Variants in MUC6 observed in about 807,000 individuals in gnomAD.
MUC6 encodes mucin 6, oligomeric mucus/gel-forming (gene/pseudogene).
Under a neutral mutation model 201.5 loss-of-function variants are expected in MUC6, and 188 were observed. The observed-to-expected ratio is 0.93, with a 90% CI of 0.83 to 1.05. The LOEUF is 1.05. MUC6 is among the 50% of genes least tolerant of loss of function. The pLI, the probability that MUC6 is intolerant of heterozygous loss-of-function variation, is 0.00. For synonymous variants in MUC6, 1,228 were observed against 1,389.4 expected (o/e 0.88, Z 2.58); for missense variants, 2,706 against 3,256.9 (o/e 0.83, Z 4.12).
Position 1,015,826 on chromosome 11 carries a change from G to A in MUC6, c.6975C>T (p.Ala2325=), listed in dbSNP as rs558230540. The change falls in exon 31 of 33, where the codon GCC becomes GCT. Residue 2325 remains alanine, a synonymous_variant. Transcript: ENST00000421673. ...GGGCAGAAGCAGGGGTGCTTCCATG[G>A]GCAGTGAGGGAGCTGGTCAGGAACC... The part of the protein sequence containing the change: ...TTRFLTSSLT[A]HGSTPASAPV... The A allele has an allele frequency of 2.0e-5, 32 of 1,582,128 alleles. No individual in the cohort carries two copies. The South Asian group carries it at 3.5e-4, about 17-fold the overall frequency.
chr11:1,025,164 G>A lies in MUC6; in HGVS notation c.2985+18C>T. On this transcript the variant is annotated intron_variant, in intron 23 of 32. Transcript: ENST00000421673. ...TGCATCAGGGAGGGCCTGGGAGGAGGCAGAGGGCGTGCGGTACCTGGGAGG... is the reference window on the plus strand; with the variant it reads ...TGCATCAGGGAGGGCCTGGGAGGAGACAGAGGGCGTGCGGTACCTGGGAGG... The A allele has an allele frequency of 6.2e-6, 10 of 1,610,356 alleles. No individual in the cohort carries two copies. The highest frequency in any genetic ancestry group is 7.6e-6 in the Non-Finnish European group (9 of 1,177,718).
Position 1,016,529 on chromosome 11 carries a change from G to T in MUC6, c.6272C>A (p.Ser2091Ter). Residue 2091 changes from serine to a stop codon, truncating the protein, a stop_gained, in exon 31 of 33, where the codon TCG (serine) becomes TAG (stop). Coordinates refer to ENST00000421673, the MANE Select transcript of MUC6 (RefSeq NM_005961.3). LOFTEE classifies it high-confidence loss of function. ...ATASSSFISS[S>*]SWLPQNSSSR... ...GCTAGAGTTCTGAGGCAGCCAAGAC[G>T]AGGAGGATATGAAGGAAGAAGAGGC... 6.2e-7 allele frequency: 1 copy of T among 1,613,336 alleles called. No individual in the cohort carries two copies. The highest frequency in any genetic ancestry group is 1.1e-5 in the South Asian group (1 of 91,064).
intron 29 of MUC6, 113 bp downstream of exon 29, chr11:1,019,977 G>GC (rs1169883827): frequency 3.7e-6 from 5 of 1,334,322 alleles, no homozygotes. Flanking sequence ...CTGGGAATCT[G>GC]CTTAGTGGCA....
At position 1,029,542 on chromosome 11, in the gene MUC6, G is replaced by A. The variant is rs372461474; in HGVS notation, c.1089C>T (p.Gly363=). 120 of 1,612,344 alleles carry A rather than the reference G, an allele frequency of 7.4e-5. No homozygotes were observed. The highest frequency in any genetic ancestry group is 6.9e-4 in the East Asian group (31 of 44,884). The change falls in exon 9 of 33, where the codon GGC becomes GGT. Residue 363 remains glycine, a synonymous_variant. Coordinates refer to ENST00000421673, the MANE Select transcript of MUC6 (RefSeq NM_005961.3). ...PVTQCPCVLH[G]AMYAPGEVTI... is the part of the protein sequence containing the mutation. ...TGACCTCCCCGGGGGCATACATGGCGCCGTGGAGCACACAGGGGCACTGGG... is the reference window on the plus strand; with the variant it reads ...TGACCTCCCCGGGGGCATACATGGCACCGTGGAGCACACAGGGGCACTGGG...
At chr11:1,029,695 C>A in intron 8 of MUC6, 80 bp from the exon 9 acceptor site, 1 of 1,482,508 alleles carries the variant, frequency 6.7e-7, no homozygotes, top group Non-Finnish European at 8.9e-7. Context: ...GGGAGACGCC[C>A]CCTCCAGCCT....
chr11:1,023,078 ATGAG>A (rs968351517), intron 26 of MUC6, among the ~76,000 whole-genome samples: 51 of 150,628 alleles, frequency 3.4e-4, no homozygotes, highest in African/African-American at 1.2e-3. Context: ...AATATGTTGA[ATGAG>A]TGTGTGTGGG....
At position 1,029,572 on chromosome 11, in the gene MUC6, G is replaced by A. The variant is rs370072899; in HGVS notation, c.1059C>T (p.Pro353=). 2.1e-5 allele frequency: 34 copies of A among 1,609,644 alleles called. 1 individual carries two copies. The highest frequency in any genetic ancestry group is 7.7e-5 in the South Asian group (7 of 90,696). ...NDLSNNHTCV[P]VTQCPCVLHG... Reference sequence around the variant, plus strand: ...GGAGCACACAGGGGCACTGGGTGACGGGCACGCAGGTGTGGTTATTGGAGA... The same window carrying A: ...GGAGCACACAGGGGCACTGGGTGACAGGCACGCAGGTGTGGTTATTGGAGA... Residue 353 remains proline, a synonymous_variant, in exon 9 of 33, where the codon CCC becomes CCT. Transcript: ENST00000421673.
chr11:1,027,670 C>T lies in MUC6; in HGVS notation c.1981+15G>A. The T allele has an allele frequency of 1.9e-6, 3 of 1,590,182 alleles. No individual in the cohort carries two copies. Among genetic ancestry groups the T allele is most frequent in the Non-Finnish European group, 2.6e-6 (3 of 1,168,668 alleles). ...AGCCTGCCGTGACCCCGCTTAAGCCCCGTCGGGCACTCACTGCAGTTGTCC... is the reference window on the plus strand; with the variant it reads ...AGCCTGCCGTGACCCCGCTTAAGCCTCGTCGGGCACTCACTGCAGTTGTCC... On this transcript the variant is annotated intron_variant, in intron 16 of 32. Coordinates refer to ENST00000421673, the MANE Select transcript of MUC6 (RefSeq NM_005961.3).
At chr11:1,031,382 C>A in intron 4 of MUC6, 123 bp from the exon 5 acceptor site, 1 of 1,177,130 alleles carries the variant, frequency 8.5e-7, no homozygotes, top group Non-Finnish European at 1.2e-6. Flanking sequence ...TCATCTGCCT[C>A]TTCTTATGGG....
chr11:1,016,610 A>G lies in MUC6; in HGVS notation c.6191T>C (p.Met2064Thr). 6.2e-7 allele frequency: 1 copy of G among 1,613,838 alleles called. No individual in the cohort carries two copies. Among genetic ancestry groups the G allele is most frequent in the Non-Finnish European group, 8.5e-7 (1 of 1,179,684 alleles). Residue 2064 changes from methionine (M) to threonine (T), a missense_variant, in exon 31 of 33, where the codon ATG (methionine) becomes ACG (threonine). By Grantham distance (81) the Met-to-Thr change is moderately conservative. Around this residue, in one of 10 missense-constraint regions of MUC6, gnomAD observed 586 missense variants for 488.0 expected, o/e 1.20. Transcript: ENST00000421673. ...ATGSTHTAPP[M>T]TVTTSGTSQT... ...GCTGGTCCCACTGGTGGTCACTGTC[A>G]TTGGTGGGGCTGTGTGGGTGGACCC...
chr11:1,031,250 C>A lies in MUC6; in HGVS notation c.493G>T (p.Glu165Ter). The A allele has an allele frequency of 3.2e-6, 5 of 1,572,152 alleles. No homozygotes were observed. Among genetic ancestry groups the A allele is most frequent in the Non-Finnish European group, 4.3e-6 (5 of 1,159,446 alleles). ...CACATCTGACCCATGTACTTCCGCT[C>A]CACCAGAACCTGCGGGAGACGGCTC... ...GPDSHLMVLV[E>*]RKYMGQMCGL... Residue 165 changes from glutamate to a stop codon, truncating the protein, a stop_gained, in exon 5 of 33, where the codon GAG (glutamate) becomes TAG (stop). Coordinates refer to ENST00000421673, the MANE Select transcript of MUC6 (RefSeq NM_005961.3). LOFTEE classifies it high-confidence loss of function.
At position 1,015,766 on chromosome 11, in the gene MUC6, T is replaced by G; in HGVS notation, c.7035A>C (p.Ser2345=). The part of the protein sequence containing the change: ...VSSLGTPTPT[S]PGVCSVREQQ... ...GGCCACAGAGATGCCACTTACCGGG[T>G]GAGGTGGGCGTAGGTGTCCCGAGAG... Residue 2345 remains serine (S), a synonymous_variant, in exon 31 of 33, where the codon TCA becomes TCC. Coordinates refer to ENST00000421673, the MANE Select transcript of MUC6 (RefSeq NM_005961.3). 6.0e-6 allele frequency: 9 copies of G among 1,507,842 alleles called. No homozygotes were observed. The highest frequency in any genetic ancestry group is 2.8e-5 in the South Asian group (2 of 72,616). 93.4% of individuals were successfully genotyped at this position (1,507,842 alleles called of 1,614,324 possible). A position where few individuals can be genotyped will look rare whatever the true frequency, so the allele number is the denominator to read the frequency against.
At position 1,013,739 on chromosome 11, in the gene MUC6, C is replaced by T. The variant is rs1045030683; in HGVS notation, c.7143-106G>A. The T allele has an allele frequency of 1.8e-5, 25 of 1,422,002 alleles. No individual in the cohort carries two copies. In the African/African-American group the frequency reaches 2.6e-4, roughly 15 times the overall value. 88.1% of individuals were successfully genotyped at this position (1,422,002 alleles called of 1,614,324 possible). A position where few individuals can be genotyped will look rare whatever the true frequency, so the allele number is the denominator to read the frequency against. Reference sequence around the variant, plus strand: ...CAGAGGCCTGGACCTCCCCGCTGAGCTCCCGGCTCACAGGGGCCAGGGCGG... The same window carrying T: ...CAGAGGCCTGGACCTCCCCGCTGAGTTCCCGGCTCACAGGGGCCAGGGCGG... On this transcript the variant is annotated intron_variant, in intron 32 of 32. Transcript: ENST00000421673.
At chr11:1,019,860 A>G in intron 29 of MUC6, 6 of 696,766 alleles carry the variant, frequency 8.6e-6, no homozygotes, top group Non-Finnish European at 1.5e-5. Flanking sequence ...CACGGTTTCT[A>G]GTGACAGCAG....
In MUC6 at chr11:1,013,167, G is replaced by A. The variant is rs4077531; in HGVS notation, c.*289C>T. On this transcript the variant is annotated 3_prime_UTR_variant, in exon 33 of 33. Coordinates refer to ENST00000421673, the MANE Select transcript of MUC6 (RefSeq NM_005961.3). The stretch of plus-strand genomic sequence containing the variant: ...GTTCAGGGGCTGGGAGGTGTTGGAC[G>A]GTGGGCAGGGGTGGTCGGGAGTGCC... 245,557 of 461,502 alleles carry A rather than the reference G, an allele frequency of 0.53. 67,962 individuals carry two copies. Among genetic ancestry groups the A allele is most frequent in the Admixed American group, 0.65 (16,669 of 25,474 alleles). The allele number at this position is 461,502 out of a possible 1,614,324, so 28.6% of individuals were successfully genotyped here.
In MUC6 at chr11:1,018,257, G is replaced by C; in HGVS notation, c.4544C>G (p.Ser1515Ter). The C allele has an allele frequency of 1.9e-6, 3 of 1,614,008 alleles. No individual in the cohort carries two copies. The South Asian group carries it at 3.3e-5, about 18-fold the overall frequency. Residue 1515 changes from serine (S) to a stop codon, truncating the protein, a stop_gained, in exon 31 of 33, where the codon TCA becomes TGA. Transcript: ENST00000421673. LOFTEE classifies it high-confidence loss of function. ...GGTAGGTGTTTTGTTTGTGCTGAATGAGCTGTGGGCTTGGCTGGTCCCACT... is the reference window on the plus strand; with the variant it reads ...GGTAGGTGTTTTGTTTGTGCTGAATCAGCTGTGGGCTTGGCTGGTCCCACT... ...TTSGTSQAHS[S>*]FSTNKTPTSL...
chr11:1,030,846 CG>C, intron 6 of MUC6, 66 bp from the exon 7 acceptor site: 1 of 1,526,412 alleles, frequency 6.6e-7, no homozygotes, highest in Non-Finnish European at 8.8e-7. Context: ...CTGGGGAGGT[CG>C]GGCAGGGCGT....
At chr11:1,024,243 G>A (rs1381586035) in intron 24 of MUC6, 140 bp from the exon 25 acceptor site, 12 of 1,053,690 alleles carry the variant, frequency 1.1e-5, no homozygotes, top group Non-Finnish European at 1.6e-5. Context: ...GCACCACGTG[G>A]ACCTCAGCCC....
chr11:1,014,995 G>A (rs1856568687), intron 31 of MUC6, among the ~76,000 whole-genome samples: 1 of 152,270 alleles, frequency 6.6e-6, no homozygotes, highest in Non-Finnish European at 1.5e-5. Context: ...CCACGTGAGA[G>A]ACCACGAAGG....
Sources: gnomAD v4.1 joint callset for allele counts (sites outside exome capture counted in the v4.1 genomes callset) on GRCh38, gnomAD v4.1.1 for gene constraint, gnomAD v4.1.1 regional missense constraint, MANE v1.5 for transcripts, NCBI Gene and HGNC (gene_info 2026-07-23, HGNC 2026-07-21) for gene names.